The following ADAM12 variants were observed in gnomAD, a reference collection of about 807,000 sequenced individuals.
ADAM12 encodes the protein ADAM metallopeptidase domain 12, also known as disintegrin and metalloproteinase domain-containing protein 12.
ADAM12 carries 70 observed loss-of-function variants against 106.4 expected under a neutral mutation model. That is an observed-to-expected ratio of 0.66 (90% CI 0.54 to 0.80). The LOEUF is 0.80. ADAM12 is among the 30% of genes least tolerant of loss of function. The pLI is 0.00. For missense variants in ADAM12, 1,010 were observed against 1,171.9 expected, an observed-to-expected ratio of 0.86 and a Z score of 2.02; for synonymous variants, 420 against 433.5, an observed-to-expected ratio of 0.97 and a Z score of 0.39.
chr10:126,327,606 C>G (rs183753438), intron 2 of ADAM12, among the ~76,000 whole-genome samples: 58 of 151,984 alleles, frequency 3.8e-4, no homozygotes, highest in African/African-American at 1.3e-3. Flanking sequence ...CTCCCCACCC[C>G]CTCATCTCTA....
Position 126,049,203 on chromosome 10 carries a change from G to A in ADAM12, c.1917+50C>T. 1 of 1,603,368 alleles carries A rather than the reference G, an allele frequency of 6.2e-7. No homozygotes were observed. The highest frequency in any genetic ancestry group is 8.5e-7 in the Non-Finnish European group (1 of 1,174,052). ...CCCAGTTCTTGCTGTTTTTCAATGG[G>A]CCCTGTTCCAGACTTACATTTATGA... On this transcript the variant is annotated intron_variant, in intron 16 of 22. Coordinates refer to ENST00000448723, the MANE Select transcript of ADAM12 (RefSeq NM_001288973.2). The surrounding 1 kb of genome is among the most constrained non-coding windows in gnomAD (Gnocchi z 4.4).
intron 18 of ADAM12, chr10:126,042,146 G>T (rs1028353324): frequency 2.9e-5 from 46 of 1,613,592 alleles, no homozygotes; most frequent in African/African-American, 4.0e-5. Context: ...ATGAGTGTCA[G>T]TGAGGCAGTA....
chr10:126,275,822 T>A (rs1321104615), intron 3 of ADAM12, among the ~76,000 whole-genome samples: 1 of 152,178 alleles, frequency 6.6e-6, no homozygotes, highest in Non-Finnish European at 1.5e-5. Context: ...AAAGAAAATG[T>A]TTTTTCCTAA....
chr10:126,158,648 TGGGTTGGGGGATGCACAGAGCAC>T, intron 3 of ADAM12, among the ~76,000 whole-genome samples: 1 of 97,148 alleles, frequency 1.0e-5, no homozygotes, highest in East Asian at 3.3e-4. Flanking sequence ...GCACAGAGCA[TGGGTTGGGGGATGCACAGAGCAC>T]GGGGAGAGGA....
At chr10:126,175,732 T>C (rs1466506918) in intron 3 of ADAM12, among the ~76,000 whole-genome samples, 1 of 152,140 alleles carries the variant, frequency 6.6e-6, no homozygotes, top group African/African-American at 2.4e-5. Flanking sequence ...GCTCGTTCCA[T>C]CGGAATGCCC....
intron 3 of ADAM12, among the ~76,000 whole-genome samples, chr10:126,245,583 A>G (rs962014531): frequency 1.3e-5 from 2 of 152,120 alleles, no homozygotes; most frequent in African/African-American, 4.8e-5. Context: ...GAGGAAGCCT[A>G]AAGAATCCAG....
intron 21 of ADAM12, among the ~76,000 whole-genome samples, chr10:126,033,510 C>G (rs1333669195): frequency 1.3e-5 from 2 of 152,128 alleles, no homozygotes; most frequent in African/African-American, 4.8e-5. Flanking sequence ...TATATCTTGG[C>G]CTGGGCTCTG....
intron 6 of ADAM12, among the ~76,000 whole-genome samples, chr10:126,115,787 A>G (rs1955970362): frequency 6.6e-6 from 1 of 152,246 alleles, no homozygotes; most frequent in Non-Finnish European, 1.5e-5. Context: ...TAAAGGCAGC[A>G]TAAGTGGGGC....
At position 126,012,901 on chromosome 10, in the gene ADAM12, T is replaced by C. The variant is rs1360480141; in HGVS notation, c.*4378A>G. The C allele has an allele frequency of 6.6e-6, 1 of 152,208 alleles. No homozygotes were observed. Among genetic ancestry groups the C allele is most frequent in the Non-Finnish European group, 1.5e-5 (1 of 68,038 alleles). 9.4% of individuals were successfully genotyped at this position (152,208 alleles called of 1,614,324 possible). On this transcript the variant is annotated 3_prime_UTR_variant, in exon 23 of 23. Transcript: ENST00000448723. ...AGCTAAAATAATCACATGATACTTA[T>C]TCTTTGGAGGATTTAAAATGTGCTA...
In ADAM12 at chr10:126,122,497, C is replaced by T. The variant is rs183518179; in HGVS notation, c.417-4273G>A. 4.7e-4 allele frequency among the ~76,000 whole-genome samples: 71 copies of T among 152,268 alleles called. 1 individual carries two copies. In the East Asian group the frequency reaches 0.013, roughly 27 times the overall value. On this transcript the variant is annotated intron_variant, in intron 5 of 22. Transcript: ENST00000448723. ...CAAAGGGAGGCAGGGTGCGGTGGCT[C>T]ACGCCTGTAATTCCAGCACTTTGGG...
intron 3 of ADAM12, among the ~76,000 whole-genome samples, chr10:126,270,609 A>C (rs1394508643): frequency 6.6e-6 from 1 of 152,230 alleles, no homozygotes; most frequent in Admixed American, 6.5e-5. Context: ...GAATGTGTTA[A>C]AAATATAGAC....
chr10:126,299,639 C>A, intron 2 of ADAM12, among the ~76,000 whole-genome samples: 1 of 151,982 alleles, frequency 6.6e-6, no homozygotes, highest in Non-Finnish European at 1.5e-5. Context: ...ATTGCTATTA[C>A]CATTCAGCTT....
chr10:126,188,441 G>A (rs1194711081), intron 3 of ADAM12, among the ~76,000 whole-genome samples: 2 of 152,102 alleles, frequency 1.3e-5, no homozygotes, highest in African/African-American at 2.4e-5. Context: ...ACTGAGTGGG[G>A]CACCTGCAGA....
chr10:126,094,206 A>G (rs1322145021), intron 10 of ADAM12, 73 bp from the exon 11 acceptor site: 1 of 1,393,258 alleles, frequency 7.2e-7, no homozygotes, highest in Non-Finnish European at 9.8e-7. Flanking sequence ...CTCCCTCCCC[A>G]CAGAAATATA....
At position 126,155,301 on chromosome 10, in the gene ADAM12, G is replaced by A. The variant is rs769563485; in HGVS notation, c.265C>T (p.Leu89Phe). The change falls in exon 4 of 23, where the codon CTC becomes TTC. Residue 89 changes from leucine (L) to phenylalanine (F), a missense_variant. This residue lies in a region of ADAM12 where 391 missense variants were observed against 442.9 expected (regional missense o/e 0.88). Coordinates refer to ENST00000448723, the MANE Select transcript of ADAM12 (RefSeq NM_001288973.2). ...GTTTCCGTGAAACTGCTGGCAATGA[G>A]ACCTCTGCGGAAAAACAAAAACACC... ...LIINLERNEG[L>F]IASSFTETHY... 12 of 1,613,748 alleles carry A rather than the reference G, an allele frequency of 7.4e-6. No individual in the cohort carries two copies. The East Asian group carries it at 2.5e-4, about 33-fold the overall frequency.
intron 1 of ADAM12, among the ~76,000 whole-genome samples, chr10:126,371,868 G>A (rs1327955102): frequency 6.6e-6 from 1 of 152,156 alleles, no homozygotes; most frequent in East Asian, 1.9e-4. Flanking sequence ...CATGCCCCTG[G>A]CCTGGGCATC....
intron 3 of ADAM12, among the ~76,000 whole-genome samples, chr10:126,234,387 T>C (rs1379112840): frequency 6.6e-6 from 1 of 152,234 alleles, no homozygotes; most frequent in Non-Finnish European, 1.5e-5. Flanking sequence ...TACTGTTTGT[T>C]TGTTTGAAAG....
In ADAM12 at chr10:126,049,199, A is replaced by T; in HGVS notation, c.1917+54T>A. On this transcript the variant is annotated intron_variant, in intron 16 of 22. Coordinates refer to ENST00000448723, the MANE Select transcript of ADAM12 (RefSeq NM_001288973.2). The surrounding 1 kb of genome is among the most constrained non-coding windows in gnomAD (Gnocchi z 4.4). ...GTAACCCAGTTCTTGCTGTTTTTCA[A>T]TGGGCCCTGTTCCAGACTTACATTT... 1 of 1,598,966 alleles carries T rather than the reference A, an allele frequency of 6.3e-7. No homozygotes were observed.
At chr10:126,103,102 C>T (rs73378624) in intron 8 of ADAM12, among the ~76,000 whole-genome samples, 1,771 of 152,278 alleles carry the variant, frequency 0.012, 41 homozygotes, top group African/African-American at 0.04. Flanking sequence ...TAATTGTCAT[C>T]ATTCCTTAGT....
Sources: allele counts gnomAD v4.1 joint callset (sites outside exome capture counted in the v4.1 genomes callset), GRCh38; gene constraint gnomAD v4.1.1; regional missense constraint gnomAD v4.1.1; non-coding constraint Gnocchi (gnomAD v3.1); transcripts MANE v1.5; gene names NCBI Gene and HGNC (gene_info 2026-07-23, HGNC 2026-07-21).